MDH2: variants seen among roughly 807,000 people sequenced by gnomAD.
MDH2 encodes the protein malate dehydrogenase, mitochondrial.
MDH2 carries 25 observed loss-of-function variants against 33.6 expected under a neutral mutation model. The observed-to-expected ratio is 0.74, with a 90% confidence interval of 0.54 to 1.04. The LOEUF (loss-of-function observed/expected upper bound fraction) is 1.04. Ranked by LOEUF, MDH2 falls within the 50% of genes least tolerant of loss-of-function variation. The pLI is 0.00. For missense variants in MDH2, 432 were observed against 445.0 expected, an observed-to-expected ratio of 0.97 and a Z score of 0.26; for synonymous variants, 193 against 188.7, an observed-to-expected ratio of 1.02 and a Z score of -0.19.
At chr7:76,059,556 GC>G (rs1176160294) in intron 4 of MDH2, among the ~76,000 whole-genome samples, 2 of 152,354 alleles carry the variant, frequency 1.3e-5, no homozygotes, top group Admixed American at 1.3e-4. Context: ...GACCTGCAGG[GC>G]CTTGTGCTCA....
At chr7:76,054,575 C>A in intron 1 of MDH2, 1 of 467,976 alleles carries the variant, frequency 2.1e-6, no homozygotes, top group Non-Finnish European at 3.8e-6. Context: ...CCAGCTTGTT[C>A]TTCATCTTTC....
chr7:76,057,599 A>G (rs1554586433), intron 3 of MDH2, 106 bp downstream of exon 3: 1 of 1,109,362 alleles, frequency 9.0e-7, no homozygotes, highest in East Asian at 2.5e-5. Context: ...GTTGTAGGAA[A>G]AATGTCACCA....
chr7:76,048,787 G>A (rs1393601393), intron 1 of MDH2: 2 of 1,224,546 alleles, frequency 1.6e-6, no homozygotes, highest in Non-Finnish European at 2.0e-6. Context: ...GATCTCTCCT[G>A]CTGTGGGCGG....
At chr7:76,063,028 CTGTT>C (rs1797995861) in intron 5 of MDH2, among the ~76,000 whole-genome samples, 1 of 152,230 alleles carries the variant, frequency 6.6e-6, no homozygotes, top group South Asian at 2.1e-4. Flanking sequence ...GTCCCAATCA[CTGTT>C]TGAGGTGGCA....
intron 1 of MDH2, among the ~76,000 whole-genome samples, chr7:76,049,452 A>C (rs994653639): frequency 1.3e-5 from 2 of 152,192 alleles, no homozygotes; most frequent in Non-Finnish European, 2.9e-5. Flanking sequence ...TGGGACAGGA[A>C]TGAGTAAACT....
At chr7:76,053,780 T>G (rs1554585784) in intron 1 of MDH2, among the ~76,000 whole-genome samples, 1 of 152,136 alleles carries the variant, frequency 6.6e-6, no homozygotes, top group African/African-American at 2.4e-5. Flanking sequence ...CGGCTGTGCT[T>G]CTCATTTGTG....
chr7:76,063,908 T>C (rs1798021286), intron 6 of MDH2, among the ~76,000 whole-genome samples: 1 of 152,098 alleles, frequency 6.6e-6, no homozygotes, highest in Admixed American at 6.5e-5. Flanking sequence ...CAGTGGCTCA[T>C]ACCTGTAATC....
At chr7:76,055,703 C>T (rs941472181) in intron 2 of MDH2, among the ~76,000 whole-genome samples, 20 of 147,192 alleles carry the variant, frequency 1.4e-4, no homozygotes, top group Non-Finnish European at 2.5e-4. Context: ...CACCACTGCA[C>T]TTCAGCCTAG....
intron 4 of MDH2, among the ~76,000 whole-genome samples, chr7:76,059,788 G>A (rs979770660): frequency 2.6e-5 from 4 of 152,184 alleles, no homozygotes; most frequent in Admixed American, 2.0e-4. Flanking sequence ...TATTCCCTTT[G>A]TTGGGGAGCT....
At chr7:76,052,611 T>C (rs966446293) in intron 1 of MDH2, among the ~76,000 whole-genome samples, 2 of 150,924 alleles carry the variant, frequency 1.3e-5, no homozygotes, top group East Asian at 3.9e-4. Context: ...TCACCCAGGC[T>C]GGAGTGCAGT....
rs115117282 is a variant in MDH2, at chr7:76,054,901, C to T, written c.138C>T (p.Asn46=). ...IGQPLSLLLK[N]SPLVSRLTLY... ...AGCCACTTTCACTTCTCCTGAAGAA[C>T]AGCCCCTTGGTGAGCCGCCTGACCC... Residue 46 remains asparagine (N), a synonymous_variant, in exon 2 of 9, where the codon AAC becomes AAT. Transcript: ENST00000315758. 2.4e-3 allele frequency: 3,914 copies of T among 1,614,156 alleles called. 76 individuals are homozygous for T. In the African/African-American group the frequency reaches 0.044, roughly 18 times the overall value.
At chr7:76,060,547 G>A (rs782401667) in intron 5 of MDH2, 49 bp downstream of exon 5, 77 of 1,603,054 alleles carry the variant, frequency 4.8e-5, no homozygotes, top group South Asian at 4.2e-4. Flanking sequence ...AACTTCTCCC[G>A]CCACCCGTGC....
intron 4 of MDH2, 96 bp downstream of exon 4, chr7:76,058,174 G>A: frequency 2.6e-6 from 3 of 1,138,406 alleles, no homozygotes; most frequent in East Asian, 2.5e-5. Flanking sequence ...GGCTGCTGAT[G>A]TGCTGGGGGG....
At chr7:76,059,271 C>A (rs960684002) in intron 4 of MDH2, among the ~76,000 whole-genome samples, 7 of 152,196 alleles carry the variant, frequency 4.6e-5, no homozygotes, top group African/African-American at 1.7e-4. Context: ...TTCTTTATTT[C>A]TGAAATCTTC....
intron 6 of MDH2, among the ~76,000 whole-genome samples, chr7:76,064,008 G>A (rs927720266): frequency 4.6e-5 from 7 of 152,072 alleles, no homozygotes; most frequent in African/African-American, 7.2e-5. Context: ...AAGCCTGGGC[G>A]ACAGAGCCAG....
rs1563553000 is a variant in MDH2 at position 76,064,416 on chromosome 7, G to A, written c.711G>A (p.Val237=). 1.9e-6 allele frequency: 3 copies of A among 1,613,368 alleles called. No homozygotes were observed. The African/African-American group carries it at 4.0e-5, about 22-fold the overall frequency. ...TGRIQEAGTE[V]VKAKAGAGSA... Reference sequence around the variant, plus strand: ...GGATCCAGGAGGCCGGCACGGAGGTGGTCAAGGCTAAAGCCGGAGCAGGTA... The same window carrying A: ...GGATCCAGGAGGCCGGCACGGAGGTAGTCAAGGCTAAAGCCGGAGCAGGTA... The change falls in exon 7 of 9, where the codon GTG becomes GTA. Residue 237 remains valine (V), a synonymous_variant. Transcript: ENST00000315758.
chr7:76,064,790 G>C lies in MDH2; in HGVS notation c.734-12G>C, dbSNP rs1554587573. ...TGGCACCAGCCAGGCTGACCTGTCTGTGCCCCCCTAGGCTCTGCCACCCTC... is the reference window on the plus strand; with the variant it reads ...TGGCACCAGCCAGGCTGACCTGTCTCTGCCCCCCTAGGCTCTGCCACCCTC... On this transcript the variant is annotated splice_polypyrimidine_tract_variant and intron_variant, in intron 7 of 8. Coordinates refer to ENST00000315758, the MANE Select transcript of MDH2 (RefSeq NM_005918.4). The C allele has an allele frequency of 1.2e-6, 2 of 1,611,838 alleles. No homozygotes were observed. The highest frequency in any genetic ancestry group is 1.7e-5 in the Admixed American group (1 of 59,934).
rs782161350 is a variant in MDH2 at position 76,064,843 on chromosome 7, G to A, written c.775G>A (p.Val259Ile). The change falls in exon 8 of 9, where the codon GTC (valine) becomes ATC (isoleucine). Residue 259 changes from valine (V) to isoleucine (I), a missense_variant. Coordinates refer to ENST00000315758, the MANE Select transcript of MDH2 (RefSeq NM_005918.4). The part of the protein sequence containing the change: ...LSMAYAGARF[V>I]FSLVDAMNGK... Reference sequence around the variant, plus strand: ...CATGGCGTATGCCGGCGCCCGCTTTGTCTTCTCCCTTGTGGATGCAATGAA... The same window carrying A: ...CATGGCGTATGCCGGCGCCCGCTTTATCTTCTCCCTTGTGGATGCAATGAA... 1.2e-6 allele frequency: 2 copies of A among 1,614,138 alleles called. No individual in the cohort carries two copies. The highest frequency in any genetic ancestry group is 8.5e-7 in the Non-Finnish European group (1 of 1,180,032).
chr7:76,053,670 G>C (rs6949043), intron 1 of MDH2, among the ~76,000 whole-genome samples: 7,942 of 152,140 alleles, frequency 0.052, 676 homozygotes, highest in African/African-American at 0.18. Context: ...ATGCTGTCAG[G>C]CCCCAGATGA....
Sources: gnomAD v4.1 joint callset for allele counts (sites outside exome capture counted in the v4.1 genomes callset) on GRCh38, gnomAD v4.1.1 for gene constraint, MANE v1.5 for transcripts, NCBI Gene and HGNC (gene_info 2026-07-23, HGNC 2026-07-21) for gene names.